The following SCN1A variants were observed in gnomAD, a reference collection of about 807,000 sequenced individuals.
SCN1A encodes sodium voltage-gated channel alpha subunit 1.
In SCN1A, 13 loss-of-function variants were observed where a neutral mutation model predicts 193.7. That is an observed-to-expected ratio of 0.07 (90% CI 0.04 to 0.11). SCN1A has a LOEUF of 0.11. Among genes scored for constraint, SCN1A ranks in the 10% least tolerant of loss-of-function variants. SCN1A has a pLI of 1.00. For missense variants in SCN1A, 1,432 were observed against 2,451.1 expected (o/e 0.58, Z 8.78); for synonymous variants, 781 against 843.6 (o/e 0.93, Z 1.29).
intron 19 of SCN1A, among the ~76,000 whole-genome samples, chr2:166,019,634 A>G (rs1352197838): frequency 2.0e-5 from 3 of 152,084 alleles, no homozygotes; most frequent in Non-Finnish European, 4.4e-5. Context: ...ATTCCTATGA[A>G]ATTTCTGTTT....
In SCN1A at chr2:165,992,976, T is replaced by C. The variant is rs1326000888; in HGVS notation, c.4853-554A>G. ...CTGAAAGGATCCCAGGTTGATGCTC[T>C]TTTTAGTATCCTGTACTTAATGTTG... On this transcript the variant is annotated intron_variant, in intron 28 of 28. Transcript: ENST00000674923. The surrounding 1 kb of genome is among the most constrained non-coding windows in gnomAD (Gnocchi z 6.5). The C allele has an allele frequency of 6.5e-6, 1 of 153,010 alleles. No individual in the cohort carries two copies. The highest frequency in any genetic ancestry group is 1.5e-5 in the Non-Finnish European group (1 of 68,806). The allele number at this position is 153,010 out of a possible 1,614,324, so 9.5% of individuals were successfully genotyped here. A position where few individuals can be genotyped will look rare whatever the true frequency, so the allele number is the denominator to read the frequency against.
chr2:166,063,074 A>G (rs1683485631), intron 4 of SCN1A, among the ~76,000 whole-genome samples: 1 of 152,124 alleles, frequency 6.6e-6, no homozygotes, highest in Non-Finnish European at 1.5e-5. Flanking sequence ...GTGGTTTAGT[A>G]CAATTCAGGC....
intron 2 of SCN1A, chr2:166,104,298 A>G (rs1003499130): frequency 5.9e-5 from 9 of 152,256 alleles, no homozygotes; most frequent in Admixed American, 1.3e-4. Context: ...AGAGAGAGTA[A>G]GAAAGAGATA....
intron 4 of SCN1A, among the ~76,000 whole-genome samples, chr2:166,073,117 C>T (rs1684628040): frequency 6.6e-6 from 1 of 152,124 alleles, no homozygotes; most frequent in Non-Finnish European, 1.5e-5. Context: ...GGATTACAGG[C>T]TTGAGCCACC....
chr2:166,056,539 A>G (rs1436262168), intron 5 of SCN1A, 39 bp from the exon 6 acceptor site: 1 of 1,412,558 alleles, frequency 7.1e-7, no homozygotes, highest in East Asian at 2.3e-5. Flanking sequence ...GAAAATCAAA[A>G]TCCAAGTGTT....
At chr2:166,022,110 TG>T (rs1443447297) in intron 19 of SCN1A, among the ~76,000 whole-genome samples, 1 of 152,110 alleles carries the variant, frequency 6.6e-6, no homozygotes, top group Non-Finnish European at 1.5e-5. Flanking sequence ...GAAAATGTAT[TG>T]GAAAACCATA....
intron 19 of SCN1A, among the ~76,000 whole-genome samples, chr2:166,017,063 TGACA>T (rs1693406752): frequency 6.6e-6 from 1 of 150,606 alleles, no homozygotes; most frequent in South Asian, 2.1e-4. Flanking sequence ...AAAACTTACC[TGACA>T]GTTACAGAAA....
chr2:166,145,499 A>G (rs900099344), intron 1 of SCN1A, among the ~76,000 whole-genome samples: 1 of 150,058 alleles, frequency 6.7e-6, no homozygotes, highest in Non-Finnish European at 1.5e-5. Context: ...TAGTATATTG[A>G]AAAGAATCTT....
chr2:166,097,114 C>T (rs1687475575), intron 2 of SCN1A, among the ~76,000 whole-genome samples: 1 of 151,600 alleles, frequency 6.6e-6, no homozygotes, highest in Admixed American at 6.6e-5. Context: ...CTAACTCTCC[C>T]AGGTTCAAGC....
rs377502189 is a variant in SCN1A, at chr2:166,120,553, C to T, written c.-142+6371G>A. The stretch of plus-strand genomic sequence containing the variant: ...TGATTTATTTAGCCATTCTTTCAAC[C>T]TTCCAGCATTGTGTATGTAGACTGT... On this transcript the variant is annotated intron_variant, in intron 2 of 28. Coordinates refer to ENST00000674923, the MANE Select transcript of SCN1A (RefSeq NM_001165963.4). Among the ~76,000 whole-genome samples the T allele has an allele frequency of 2.7e-4, 40 of 149,654 alleles. No individual in the cohort carries two copies. In the East Asian group the frequency reaches 5.9e-3, roughly 22 times the overall value.
chr2:166,085,600 C>T (rs1686025051), intron 2 of SCN1A, among the ~76,000 whole-genome samples: 1 of 152,126 alleles, frequency 6.6e-6, no homozygotes. Context: ...CAGAGAAAAA[C>T]TGCAGGGGAA....
chr2:166,128,212 CTCCT>C (rs1274782792), upstream of SCN1A, among the ~76,000 whole-genome samples: 1 of 152,030 alleles, frequency 6.6e-6, no homozygotes, highest in African/African-American at 2.4e-5. Context: ...AGTATTGCTT[CTCCT>C]TGCTTCTCTT....
intron 2 of SCN1A, among the ~76,000 whole-genome samples, chr2:166,088,082 G>T (rs187482901): frequency 6.7e-6 from 1 of 148,628 alleles, no homozygotes; most frequent in African/African-American, 2.6e-5. Context: ...GTGTGTGTGT[G>T]TGTAAGGGTA....
chr2:166,107,150 C>A (rs1688781712), intron 2 of SCN1A, among the ~76,000 whole-genome samples: 1 of 152,116 alleles, frequency 6.6e-6, no homozygotes. Flanking sequence ...ATCTCTTCAT[C>A]CACTAGCACT....
chr2:166,040,980 A>C (rs1697097144), intron 16 of SCN1A, among the ~76,000 whole-genome samples: 2 of 152,238 alleles, frequency 1.3e-5, no homozygotes, highest in Non-Finnish European at 2.9e-5. Flanking sequence ...GGATCCTGAA[A>C]AATTATAAAT....
intron 3 of SCN1A, among the ~76,000 whole-genome samples, chr2:166,075,669 G>T (rs947009975): frequency 6.6e-6 from 1 of 151,748 alleles, no homozygotes; most frequent in Non-Finnish European, 1.5e-5. Flanking sequence ...AAATATATGT[G>T]GATATATTTA....
At chr2:166,009,629 C>A in intron 23 of SCN1A, 90 bp downstream of exon 23, 1 of 1,317,096 alleles carries the variant, frequency 7.6e-7, no homozygotes, top group Non-Finnish European at 1.0e-6. Context: ...TTTGCCATTC[C>A]TTTTGCATGC....
intron 23 of SCN1A, among the ~76,000 whole-genome samples, chr2:166,004,897 T>A (rs530421217): frequency 1.3e-5 from 2 of 151,604 alleles, no homozygotes; most frequent in East Asian, 1.9e-4. Flanking sequence ...TAAAGAGGAA[T>A]GTTTTCCCCT....
At chr2:166,042,146 G>T in intron 15 of SCN1A, 146 bp downstream of exon 15, 1 of 738,614 alleles carries the variant, frequency 1.4e-6, no homozygotes, top group Non-Finnish European at 2.2e-6. Context: ...TAGAATATCT[G>T]AGTAGATATA....
Sources: gnomAD v4.1 joint callset for allele counts (sites outside exome capture counted in the v4.1 genomes callset) on GRCh38, gnomAD v4.1.1 for gene constraint, Gnocchi (gnomAD v3.1) non-coding constraint, MANE v1.5 for transcripts, NCBI Gene and HGNC (gene_info 2026-07-23, HGNC 2026-07-21) for gene names.